ARSH: variants seen among roughly 807,000 people sequenced by gnomAD.
ARSH encodes arylsulfatase H.
Under a neutral mutation model 28.7 loss-of-function variants are expected in ARSH, and 32 were observed. The observed-to-expected ratio is 1.11, with a 90% CI of 0.84 to 1.50. The LOEUF is 1.50. ARSH is among the 40% of genes most tolerant of loss of function. The pLI is 0.00. For synonymous variants in ARSH, 176 were observed against 177.3 expected (o/e 0.99, Z 0.06); for missense variants, 440 against 452.4 (o/e 0.97, Z 0.25).
intron 4 of ARSH, among the ~76,000 whole-genome samples, chrX:3,017,389 G>A (rs2089869009): frequency 9.1e-6 from 1 of 110,358 alleles, no homozygotes; most frequent in Non-Finnish European, 1.9e-5. Context: ...AATATAGTGA[G>A]CTCCCATCTC....
rs1049947606 is a variant in ARSH at position 3,027,434 on chromosome X, G to A, written c.1158G>A (p.Pro386=). ...NEPTSLMDIY[P]TLSYIGGGIL... is the part of the protein sequence containing the mutation. ...CCACCAGCTTAATGGACATCTATCC[G>A]ACGCTGTCTTATATAGGCGGAGGGA... Residue 386 remains proline, a synonymous_variant, in exon 7 of 9, where the codon CCG becomes CCA. Coordinates refer to ENST00000381130, the MANE Select transcript of ARSH (RefSeq NM_001011719.2). The A allele has an allele frequency of 2.3e-5, 28 of 1,209,878 alleles. No homozygotes were observed. Among genetic ancestry groups the A allele is most frequent in the East Asian group, 1.2e-4 (4 of 33,740 alleles).
intron 5 of ARSH, 62 bp downstream of exon 5, chrX:3,018,732 TACTA>T (rs2089873023): frequency 2.7e-6 from 3 of 1,130,207 alleles, no homozygotes; most frequent in Admixed American, 2.3e-5. Context: ...AACAAATCTG[TACTA>T]ACTGTCTCAA....
intron 5 of ARSH, 127 bp from the exon 6 acceptor site, chrX:3,023,889 TTATAC>T (rs2089891315): frequency 1.5e-5 from 9 of 606,215 alleles, no homozygotes. Context: ...ATATGATTAA[TTATAC>T]AATATCGTGT....
intron 1 of ARSH, 45 bp downstream of exon 1, chrX:3,006,749 T>C: frequency 7.7e-6 from 8 of 1,039,340 alleles, no homozygotes; most frequent in Non-Finnish European, 9.4e-6. Context: ...GGAGTCTCCC[T>C]TACCACAGTG....
Position 3,018,562 on chromosome X carries a change from T to C in ARSH, c.793T>C (p.Phe265Leu), listed in dbSNP as rs756675490. The C allele has an allele frequency of 2.5e-6, 3 of 1,210,882 alleles. No individual in the cohort carries two copies. Among genetic ancestry groups the C allele is most frequent in the South Asian group, 1.8e-5 (1 of 56,811 alleles). ...CAAAAGGGAACCTTTTCTCCTCTTTTTTTCCTTCCTGCACGTACATACTCC... is the reference window on the plus strand; with the variant it reads ...CAAAAGGGAACCTTTTCTCCTCTTTCTTTCCTTCCTGCACGTACATACTCC... The part of the protein sequence containing the change: ...RYKREPFLLF[F>L]SFLHVHTPLI... The change falls in exon 5 of 9, where the codon TTT (phenylalanine) becomes CTT (leucine). Residue 265 changes from phenylalanine (F) to leucine (L), a missense_variant. Transcript: ENST00000381130.
intron 3 of ARSH, among the ~76,000 whole-genome samples, chrX:3,013,531 T>A (rs1279756770): frequency 2.3e-5 from 2 of 87,531 alleles, no homozygotes; most frequent in Admixed American, 3.4e-4. Flanking sequence ...AGTTGTCAAA[T>A]GGAGGCAATT....
Position 3,016,070 on chromosome X carries a change from G to C in ARSH, c.764+677G>C, listed in dbSNP as rs1230421161. Among the ~76,000 whole-genome samples the C allele has an allele frequency of 4.7e-5, 5 of 107,422 alleles. 1 individual carries two copies. In the Admixed American group the frequency reaches 5.0e-4, roughly 11 times the overall value. 93.3% of individuals were successfully genotyped at this position (107,422 alleles called of 115,157 possible). On this transcript the variant is annotated intron_variant, in intron 4 of 8. Transcript: ENST00000381130. ...CTGCCACCCAGGCTAGAGTGCAGTG[G>C]TGCAATCATGGCTCACAGCAGCCTC...
In ARSH at chrX:3,033,603, T is replaced by C. The variant is rs2089921229; in HGVS notation, c.*218T>C. 2 of 310,651 alleles carry C rather than the reference T, an allele frequency of 6.4e-6. No individual in the cohort carries two copies. Among genetic ancestry groups the C allele is most frequent in the East Asian group, 5.4e-5 (1 of 18,375 alleles). The allele number at this position is 310,651 out of a possible 1,213,427, so 25.6% of individuals were successfully genotyped here. A position where few individuals can be genotyped will look rare whatever the true frequency, so the allele number is the denominator to read the frequency against. ...GAGCATTTGTTGTATAATTTTTTTCTAGTATATAATTGTGCCATTGCCCAA... is the reference window on the plus strand; with the variant it reads ...GAGCATTTGTTGTATAATTTTTTTCCAGTATATAATTGTGCCATTGCCCAA... On this transcript the variant is annotated 3_prime_UTR_variant, in exon 9 of 9. Coordinates refer to ENST00000381130, the MANE Select transcript of ARSH (RefSeq NM_001011719.2).
chrX:3,006,755 C>G (rs746529050), intron 1 of ARSH, 51 bp downstream of exon 1: 11 of 1,023,114 alleles, frequency 1.1e-5, no homozygotes, highest in Non-Finnish European at 1.4e-5. Flanking sequence ...TCCCTTACCA[C>G]AGTGTTCACG....
intron 5 of ARSH, among the ~76,000 whole-genome samples, chrX:3,021,603 C>A (rs1296195754): frequency 9.0e-6 from 1 of 110,921 alleles, no homozygotes; most frequent in Non-Finnish European, 1.9e-5. Context: ...CATGCAAATG[C>A]AAATACAACG....
chrX:3,010,205 G>A lies in ARSH; in HGVS notation c.214+54G>A. ...CAGTCTCACCAGAATGCATTCTAAT[G>A]ATTAGTTTTTGCAAATCTTTATAAG... On this transcript the variant is annotated intron_variant, in intron 2 of 8. Coordinates refer to ENST00000381130, the MANE Select transcript of ARSH (RefSeq NM_001011719.2). 6.9e-6 allele frequency: 8 copies of A among 1,162,152 alleles called. No homozygotes were observed. The South Asian group carries it at 1.4e-4, about 20-fold the overall frequency.
intron 1 of ARSH, among the ~76,000 whole-genome samples, chrX:3,009,616 C>T (rs1398487763): frequency 9.0e-6 from 1 of 110,700 alleles, no homozygotes; most frequent in African/African-American, 3.3e-5. Context: ...ATAACTGCAC[C>T]ACTACACTCC....
intron 8 of ARSH, 146 bp downstream of exon 8, chrX:3,029,514 C>T (rs1188827393): frequency 4.7e-6 from 3 of 641,519 alleles, no homozygotes; most frequent in African/African-American, 4.5e-5. Context: ...AAACAGTGCA[C>T]TGCAGTAGGA....
chrX:3,031,979 A>G (rs2089915171), intron 8 of ARSH, among the ~76,000 whole-genome samples: 1 of 111,896 alleles, frequency 8.9e-6, no homozygotes, highest in Admixed American at 9.6e-5. Context: ...AAGGAGGGAA[A>G]AAACCAAAGG....
rs774265799 is a variant in ARSH at position 3,020,073 on chromosome X, C to T, written c.901+1403C>T. 3.6e-3 allele frequency among the ~76,000 whole-genome samples: 387 copies of T among 107,273 alleles called. 2 individuals are homozygous for T. Among genetic ancestry groups the T allele is most frequent in the Non-Finnish European group, 6.4e-3 (332 of 52,165 alleles). 93.2% of individuals were successfully genotyped at this position (107,273 alleles called of 115,157 possible). ...GGTTCAGGCGGGAGGATCACTTGATCCCATGAGTTTGAGACCAGCCTGGGC... is the reference window on the plus strand; with the variant it reads ...GGTTCAGGCGGGAGGATCACTTGATTCCATGAGTTTGAGACCAGCCTGGGC... On this transcript the variant is annotated intron_variant, in intron 5 of 8. Transcript: ENST00000381130.
In ARSH at chrX:3,013,175, A is replaced by G; in HGVS notation, c.340+3A>G. On this transcript the variant is annotated splice_donor_region_variant and intron_variant, in intron 3 of 8. Coordinates refer to ENST00000381130, the MANE Select transcript of ARSH (RefSeq NM_001011719.2). Reference sequence around the variant, plus strand: ...TGGCTACCGCACGGGACTCATAGGTATGGCGCCGGAACTCTGCCCGTGGAA... The same window carrying G: ...TGGCTACCGCACGGGACTCATAGGTGTGGCGCCGGAACTCTGCCCGTGGAA... The G allele has an allele frequency of 8.3e-7, 1 of 1,202,532 alleles. No homozygotes were observed. The highest frequency in any genetic ancestry group is 1.1e-6 in the Non-Finnish European group (1 of 891,358).
At chrX:3,029,439 G>A (rs2089908001) in intron 8 of ARSH, 71 bp downstream of exon 8, 2 of 1,149,674 alleles carry the variant, frequency 1.7e-6, no homozygotes, top group Non-Finnish European at 2.3e-6. Flanking sequence ...GTCTCCTGGC[G>A]GAAGCTGCAC....
chrX:3,008,147 G>A (rs2089834121), intron 1 of ARSH, among the ~76,000 whole-genome samples: 1 of 111,857 alleles, frequency 8.9e-6, no homozygotes, highest in Non-Finnish European at 1.9e-5. Flanking sequence ...CATTCATATT[G>A]TAGCATGCGT....
In ARSH at chrX:3,027,434, G is replaced by C. The variant is rs1049947606; in HGVS notation, c.1158G>C (p.Pro386=). The C allele has an allele frequency of 3.3e-6, 4 of 1,209,878 alleles. No homozygotes were observed. The highest frequency in any genetic ancestry group is 4.5e-6 in the Non-Finnish European group (4 of 895,182). ...NEPTSLMDIY[P]TLSYIGGGIL... ...CCACCAGCTTAATGGACATCTATCC[G>C]ACGCTGTCTTATATAGGCGGAGGGA... is the stretch of plus-strand genomic sequence containing the variant. The change falls in exon 7 of 9, where the codon CCG becomes CCC. Residue 386 remains proline, a synonymous_variant. Coordinates refer to ENST00000381130, the MANE Select transcript of ARSH (RefSeq NM_001011719.2).
Sources: allele counts gnomAD v4.1 joint callset (sites outside exome capture counted in the v4.1 genomes callset), GRCh38; gene constraint gnomAD v4.1.1; transcripts MANE v1.5; gene names NCBI Gene and HGNC (gene_info 2026-07-23, HGNC 2026-07-21).